GRM4: variants seen among roughly 807,000 people sequenced by gnomAD.
GRM4 encodes the protein glutamate metabotropic receptor 4.
A neutral mutation model predicts 81.7 loss-of-function variants in GRM4; 28 were observed. The observed-to-expected ratio is 0.34, with a 90% CI of 0.25 to 0.47. The LOEUF is 0.47. GRM4 is among the 20% of genes least tolerant of loss of function. The pLI, the probability that GRM4 is intolerant of heterozygous loss-of-function variation, is 1.00. For synonymous variants in GRM4, 488 were observed against 528.8 expected (o/e 0.92, Z 1.06); for missense variants, 948 against 1,290.0 (o/e 0.73, Z 4.06).
chr6:34,127,313 G>A (rs1770061042), intron 2 of GRM4, among the ~76,000 whole-genome samples: 1 of 152,246 alleles, frequency 6.6e-6, no homozygotes, highest in African/African-American at 2.4e-5. Context: ...CAGCTTCAAA[G>A]AGTGGGAAGA....
rs1766635958 is a variant in GRM4 at position 34,068,998 on chromosome 6, G to GA, written c.737-6971dup. Among the ~76,000 whole-genome samples the GA allele has an allele frequency of 6.6e-6, 1 of 152,048 alleles. No individual in the cohort carries two copies. The highest frequency in any genetic ancestry group is 6.6e-5 in the Admixed American group (1 of 15,264). On this transcript the variant is annotated intron_variant, in intron 3 of 10. Transcript: ENST00000538487. This position sits in a 1 kb window ranked among gnomAD's most constrained non-coding sequence, Gnocchi z 4.2. The stretch of plus-strand genomic sequence containing the variant: ...AAGACAAACCCTAGGAATTCAAGTG[G>GA]AAAAATCTACCTTATGGCAAAATGT...
intron 2 of GRM4, among the ~76,000 whole-genome samples, chr6:34,118,361 G>T (rs1769676615): frequency 1.3e-5 from 2 of 152,188 alleles, no homozygotes; most frequent in Admixed American, 6.5e-5. Context: ...CCTGCACTAA[G>T]AGCTGCTGGA....
At position 34,089,615 on chromosome 6, in the gene GRM4, G is replaced by A. The variant is rs544702276; in HGVS notation, c.736+2268C>T. On this transcript the variant is annotated intron_variant, in intron 3 of 10. Transcript: ENST00000538487. The surrounding 1 kb of genome is among the most constrained non-coding windows in gnomAD (Gnocchi z 4.3). The stretch of plus-strand genomic sequence containing the variant: ...GGCAGGTATTGTGAGGGGCGCCTCT[G>A]CCAGGACAGGAGTGCCCCGAGCTGG... Among the ~76,000 whole-genome samples, 56 of 152,214 alleles carry A rather than the reference G, an allele frequency of 3.7e-4. No homozygotes were observed. Among genetic ancestry groups the A allele is most frequent in the African/African-American group, 1.0e-3 (43 of 41,546 alleles).
chr6:34,040,736 A>G lies in GRM4; in HGVS notation c.1181T>C (p.Ile394Thr). Residue 394 changes from isoleucine to threonine, a missense_variant, in exon 7 of 11, where the codon ATT becomes ACT. By Grantham distance (89) the Ile-to-Thr change is moderately conservative. Coordinates refer to ENST00000538487, the MANE Select transcript of GRM4 (RefSeq NM_000841.4). The stretch of plus-strand genomic sequence containing the variant: ...CTGCTCATAAGCTGAATCCTGCCCA[A>G]TTCGCTCACGGTCTGCAATGAAACA... ...HVKKCTNRER[I>T]GQDSAYEQEG... is the part of the protein sequence containing the mutation. The G allele has an allele frequency of 6.2e-7, 1 of 1,613,508 alleles. No individual in the cohort carries two copies. Among genetic ancestry groups the G allele is most frequent in the South Asian group, 1.1e-5 (1 of 91,070 alleles).
intron 2 of GRM4, chr6:34,103,872 A>G: frequency 1.4e-6 from 2 of 1,407,682 alleles, no homozygotes; most frequent in South Asian, 1.6e-5. Context: ...CCGAGGGAGA[A>G]TGAGTGTTAC....
At chr6:34,129,895 C>T (rs1217509824) in intron 2 of GRM4, among the ~76,000 whole-genome samples, 1 of 152,174 alleles carries the variant, frequency 6.6e-6, no homozygotes, top group African/African-American at 2.4e-5. Flanking sequence ...CCCAGGGCTC[C>T]CCTCTGAGCC....
intron 2 of GRM4, chr6:34,103,959 C>G (rs1008677703): frequency 5.8e-5 from 44 of 757,296 alleles, no homozygotes; most frequent in Non-Finnish European, 7.7e-5. Flanking sequence ...ACAGGAGGTG[C>G]GACAGGGGCT....
chr6:34,131,684 C>G (rs1165461723), intron 2 of GRM4, among the ~76,000 whole-genome samples: 1 of 152,202 alleles, frequency 6.6e-6, no homozygotes, highest in Non-Finnish European at 1.5e-5. Context: ...CCCAGACATG[C>G]CCCCAAGTCC....
At chr6:34,028,090 C>G in intron 10 of GRM4, 30 bp downstream of exon 10, 2 of 1,592,188 alleles carry the variant, frequency 1.3e-6, no homozygotes, top group Admixed American at 3.4e-5. Context: ...GCCTGGGGCC[C>G]GAGAGGGCAG....
chr6:34,123,089 C>T (rs1489360416), intron 2 of GRM4, among the ~76,000 whole-genome samples: 1 of 152,178 alleles, frequency 6.6e-6, no homozygotes, highest in Non-Finnish European at 1.5e-5. Flanking sequence ...AGGGCGGCCA[C>T]GTTACCCAAG....
At chr6:34,076,259 G>T (rs1387709) in intron 3 of GRM4, among the ~76,000 whole-genome samples, 12,601 of 152,246 alleles carry the variant, frequency 0.083, 1,082 homozygotes, top group African/African-American at 0.21. Flanking sequence ...AGGCAGGCTC[G>T]ATGCCCCCTC....
chr6:34,141,988 C>T (rs1358248025), intron 1 of GRM4, among the ~76,000 whole-genome samples: 1 of 152,210 alleles, frequency 6.6e-6, no homozygotes, highest in Admixed American at 6.5e-5. Flanking sequence ...AAGCAGCCTG[C>T]ACTCTACAGG....
rs933240013 is a variant in GRM4 at position 34,133,810 on chromosome 6, G to A, written c.-314C>T. 40 of 1,145,642 alleles carry A rather than the reference G, an allele frequency of 3.5e-5. No homozygotes were observed. The highest frequency in any genetic ancestry group is 3.5e-4 in the Middle Eastern group (1 of 2,826). The allele number at this position is 1,145,642 out of a possible 1,614,324, so 71.0% of individuals were successfully genotyped here. ...AAGGGCAGAATGCTCCTAGCTTGGC[G>A]TATCTTGGCATCAAGGAGAAAACAG... is the stretch of plus-strand genomic sequence containing the variant. On this transcript the variant is annotated 5_prime_UTR_variant, in exon 2 of 11. The change creates a new upstream start codon in the 5' untranslated region. Transcript: ENST00000538487. This position sits in a 1 kb window ranked among gnomAD's most constrained non-coding sequence, Gnocchi z 6.5.
In GRM4 at chr6:34,089,236, T is replaced by C. The variant is rs1768067421; in HGVS notation, c.736+2647A>G. Among the ~76,000 whole-genome samples, 1 of 152,172 alleles carries C rather than the reference T, an allele frequency of 6.6e-6. No individual in the cohort carries two copies. ...CTCTGAGCAACTCACAGATGATTTA[T>C]ACTTCAGAGTACGAATCAATACAAT... On this transcript the variant is annotated intron_variant, in intron 3 of 10. Coordinates refer to ENST00000538487, the MANE Select transcript of GRM4 (RefSeq NM_000841.4). The surrounding 1 kb of genome is among the most constrained non-coding windows in gnomAD (Gnocchi z 4.3).
intron 8 of GRM4, 68 bp downstream of exon 8, chr6:34,040,110 T>A: frequency 2.0e-6 from 3 of 1,499,542 alleles, no homozygotes; most frequent in Non-Finnish European, 2.8e-6. Flanking sequence ...AGCCTCCCCT[T>A]GGGCCCCCCT....
intron 9 of GRM4, among the ~76,000 whole-genome samples, chr6:34,032,052 TCTA>T (rs773900998): frequency 6.6e-5 from 10 of 151,124 alleles, no homozygotes; most frequent in Admixed American, 6.6e-4. Flanking sequence ...TACTCACACA[TCTA>T]CACACATCCA....
chr6:34,108,692 C>T (rs1769237699), intron 2 of GRM4, among the ~76,000 whole-genome samples: 1 of 152,218 alleles, frequency 6.6e-6, no homozygotes, highest in Non-Finnish European at 1.5e-5. Flanking sequence ...CTGCAGAGAC[C>T]TCCCAATGTC....
chr6:34,110,807 T>C, intron 2 of GRM4: 1 of 1,396,760 alleles, frequency 7.2e-7, no homozygotes, highest in South Asian at 1.7e-5. Context: ...CTGCAGGCCA[T>C]CTGTCTTGCC....
In GRM4 at chr6:34,127,691, C is replaced by T. The variant is rs542190691; in HGVS notation, c.519+5287G>A. Among the ~76,000 whole-genome samples the T allele has an allele frequency of 5.3e-5, 8 of 152,130 alleles. No individual in the cohort carries two copies. In the East Asian group the frequency reaches 1.2e-3, roughly 22 times the overall value. ...GGTAAGAGACTATGGGGATGGAGGCCGTGAGGAGTTGTCATGCCCAGGACA... is the reference window on the plus strand; with the variant it reads ...GGTAAGAGACTATGGGGATGGAGGCTGTGAGGAGTTGTCATGCCCAGGACA... On this transcript the variant is annotated intron_variant, in intron 2 of 10. Coordinates refer to ENST00000538487, the MANE Select transcript of GRM4 (RefSeq NM_000841.4).
Sources: allele counts gnomAD v4.1 joint callset (sites outside exome capture counted in the v4.1 genomes callset), GRCh38; gene constraint gnomAD v4.1.1; non-coding constraint Gnocchi (gnomAD v3.1); transcripts MANE v1.5; gene names NCBI Gene and HGNC (gene_info 2026-07-23, HGNC 2026-07-21).